The following NAV3 variants were observed in gnomAD, a reference collection of about 807,000 sequenced individuals.
NAV3 encodes pore membrane and/or filament interacting like protein 1.
Under a neutral mutation model 244.7 loss-of-function variants are expected in NAV3, and 87 were observed. That is an observed-to-expected ratio of 0.36 (90% CI 0.30 to 0.42). The LOEUF (loss-of-function observed/expected upper bound fraction) is 0.42, where lower values mean the gene tolerates loss of function less well. NAV3 is among the 20% of genes least tolerant of loss of function. NAV3 has a pLI of 1.00. For missense variants in NAV3, 2,663 were observed against 2,893.3 expected, an observed-to-expected ratio of 0.92 and a Z score of 1.83; for synonymous variants, 1,126 against 1,042.2, an observed-to-expected ratio of 1.08 and a Z score of -1.55.
chr12:78,072,278 T>C (rs2137649646), intron 12 of NAV3, among the ~76,000 whole-genome samples: 1 of 147,720 alleles, frequency 6.8e-6, no homozygotes, highest in East Asian at 2.0e-4. Context: ...ACAAAATTGA[T>C]AGACCGCTAG....
At chr12:77,745,814 C>T (rs544905276) in intron 2 of NAV3, among the ~76,000 whole-genome samples, 2 of 151,916 alleles carry the variant, frequency 1.3e-5, no homozygotes, top group Non-Finnish European at 2.9e-5. Context: ...TAGTCCTTGA[C>T]AGAGAGGGAC....
At chr12:78,136,093 C>T (rs1956360470) in intron 18 of NAV3, among the ~76,000 whole-genome samples, 1 of 152,088 alleles carries the variant, frequency 6.6e-6, no homozygotes, top group African/African-American at 2.4e-5. Flanking sequence ...GTTTTGAGAG[C>T]CAGTACTTGT....
At chr12:78,029,822 T>C (rs1170617157) in intron 9 of NAV3, among the ~76,000 whole-genome samples, 1 of 152,186 alleles carries the variant, frequency 6.6e-6, no homozygotes, top group Non-Finnish European at 1.5e-5. Flanking sequence ...TTTTTATTGG[T>C]AAGTACTTAT....
chr12:77,624,804 T>A (rs1304583335), intron 2 of NAV3, among the ~76,000 whole-genome samples: 1 of 152,240 alleles, frequency 6.6e-6, no homozygotes, highest in Non-Finnish European at 1.5e-5. Flanking sequence ...TACTGTAGTA[T>A]AATTCAAGGC....
chr12:77,959,216 G>A (rs1891646130), intron 3 of NAV3, among the ~76,000 whole-genome samples: 1 of 152,018 alleles, frequency 6.6e-6, no homozygotes, highest in Non-Finnish European at 1.5e-5. Context: ...AATGAAACTG[G>A]CTTCTATCTG....
intron 12 of NAV3, among the ~76,000 whole-genome samples, chr12:78,072,680 A>T (rs1952837223): frequency 7.5e-6 from 1 of 132,832 alleles, no homozygotes; most frequent in African/African-American, 2.8e-5. Flanking sequence ...TCCCTAACTC[A>T]TTTTATGAGG....
At chr12:77,758,782 G>A (rs1047807505) in intron 2 of NAV3, among the ~76,000 whole-genome samples, 4 of 152,176 alleles carry the variant, frequency 2.6e-5, no homozygotes, top group Non-Finnish European at 5.9e-5. Context: ...GGAAATAAAT[G>A]AGAGAAAATA....
At chr12:78,064,417 GT>G in intron 12 of NAV3, among the ~76,000 whole-genome samples, 1 of 143,146 alleles carries the variant, frequency 7.0e-6, no homozygotes. Context: ...CTGTCTGTCT[GT>G]CTGTCTGTCT....
chr12:77,691,469 AG>A (rs1875028478), intron 2 of NAV3, among the ~76,000 whole-genome samples: 1 of 150,216 alleles, frequency 6.7e-6, no homozygotes, highest in African/African-American at 2.4e-5. Context: ...CTATCATAAA[AG>A]ATGACTTTTT....
At chr12:77,918,708 G>A (rs1201279814) in intron 1 of NAV3, among the ~76,000 whole-genome samples, 1 of 152,006 alleles carries the variant, frequency 6.6e-6, no homozygotes, top group Non-Finnish European at 1.5e-5. Context: ...GGAATGACTG[G>A]AGCTTGCCTC....
intron 24 of NAV3, among the ~76,000 whole-genome samples, chr12:78,173,950 G>T (rs747216210): frequency 6.6e-6 from 1 of 151,668 alleles, no homozygotes; most frequent in African/African-American, 2.4e-5. Context: ...AAAGCAACCA[G>T]TTATAGTTTT....
intron 1 of NAV3, among the ~76,000 whole-genome samples, chr12:77,919,710 T>A (rs1212555880): frequency 7.2e-5 from 11 of 152,074 alleles, no homozygotes; most frequent in Non-Finnish European, 1.6e-4. Flanking sequence ...TGTTTCCTTA[T>A]GAGAATAGGC....
rs143818938 is a variant in NAV3, at chr12:78,043,535, T to C, written c.2024-6458T>C. Among the ~76,000 whole-genome samples the C allele has an allele frequency of 4.1e-3, 620 of 152,280 alleles. 8 individuals are homozygous for C. Among genetic ancestry groups the C allele is most frequent in the African/African-American group, 0.014 (593 of 41,558 alleles). ...GTCTTCCACAGTGGTTGAACTAATATATACTCCCACCGACAGTGTAAAGGC... is the reference window on the plus strand; with the variant it reads ...GTCTTCCACAGTGGTTGAACTAATACATACTCCCACCGACAGTGTAAAGGC... On this transcript the variant is annotated intron_variant, in intron 9 of 39. Transcript: ENST00000397909.
upstream of NAV3, among the ~76,000 whole-genome samples, chr12:77,827,141 G>A (rs1873086605): frequency 6.7e-6 from 1 of 148,622 alleles, no homozygotes; most frequent in Middle Eastern, 3.5e-3. Context: ...GCTGAGGCAT[G>A]AGAATCGCTT....
At chr12:78,128,949 A>G in intron 18 of NAV3, 83 bp downstream of exon 18, 1 of 1,312,624 alleles carries the variant, frequency 7.6e-7, no homozygotes, top group Middle Eastern at 2.1e-4. Flanking sequence ...TCCATAACAC[A>G]ACACGTTTTC....
At chr12:78,075,430 G>A (rs1241124122) in intron 12 of NAV3, among the ~76,000 whole-genome samples, 1 of 152,094 alleles carries the variant, frequency 6.6e-6, no homozygotes, top group Non-Finnish European at 1.5e-5. Flanking sequence ...AAAAAAGTAT[G>A]TATTGTTTGT....
At chr12:77,636,710 A>G (rs943202656) in intron 2 of NAV3, among the ~76,000 whole-genome samples, 1 of 152,130 alleles carries the variant, frequency 6.6e-6, no homozygotes, top group Non-Finnish European at 1.5e-5. Flanking sequence ...TGTTTTTTGC[A>G]GCATTCACAA....
chr12:77,656,649 A>T (rs1262127424), intron 2 of NAV3, among the ~76,000 whole-genome samples: 4 of 139,378 alleles, frequency 2.9e-5, no homozygotes, highest in African/African-American at 1.2e-4. Context: ...AATCAACAGA[A>T]TATACATTTT....
chr12:78,175,456 A>G (rs2139653037), intron 25 of NAV3, 29 bp downstream of exon 25: 5 of 1,601,334 alleles, frequency 3.1e-6, no homozygotes, highest in Non-Finnish European at 4.3e-6. Flanking sequence ...TCTAATTCAG[A>G]AGCTTATTAA....
Sources: gnomAD v4.1 joint callset for allele counts (sites outside exome capture counted in the v4.1 genomes callset) on GRCh38, gnomAD v4.1.1 for gene constraint, MANE v1.5 for transcripts, NCBI Gene and HGNC (gene_info 2026-07-23, HGNC 2026-07-21) for gene names.